The following LPIN1 variants were observed in gnomAD, a reference collection of about 807,000 sequenced individuals.
LPIN1 encodes phosphatidate phosphatase LPIN1.
Under a neutral mutation model 107.5 loss-of-function variants are expected in LPIN1, and 71 were observed. The observed-to-expected ratio is 0.66, with a 90% CI of 0.55 to 0.80. The LOEUF (loss-of-function observed/expected upper bound fraction) is 0.80, where lower values mean the gene tolerates loss of function less well. LPIN1 is among the 30% of genes least tolerant of loss of function. The pLI, the probability that LPIN1 is intolerant of heterozygous loss-of-function variation, is 0.00. For missense variants in LPIN1, 1,043 were observed against 1,160.6 expected, an observed-to-expected ratio of 0.90 and a Z score of 1.47; for synonymous variants, 445 against 452.6, an observed-to-expected ratio of 0.98 and a Z score of 0.21.
rs1330375723 is a variant in LPIN1 at position 11,697,103 on chromosome 2, G to T, written c.82-16653G>T. On this transcript the variant is annotated intron_variant, in intron 1 of 21. Transcript: ENST00000449576. This position sits in a 1 kb window ranked among gnomAD's most constrained non-coding sequence, Gnocchi z 4.6. ...CAAGCTGTATCTGGTGAGAACAGATGCGTAGTCCCGGAGCTCAAGTTCTGG... is the reference window on the plus strand; with the variant it reads ...CAAGCTGTATCTGGTGAGAACAGATTCGTAGTCCCGGAGCTCAAGTTCTGG... Among the ~76,000 whole-genome samples, 1 of 152,248 alleles carries T rather than the reference G, an allele frequency of 6.6e-6. No individual in the cohort carries two copies. Among genetic ancestry groups the T allele is most frequent in the African/African-American group, 2.4e-5 (1 of 41,466 alleles).
rs142643608 is a variant in LPIN1 at position 11,740,409 on chromosome 2, C to T, written c.-71-940C>T. ...AGTTGACACCAAAAATTAACCATCA[C>T]ACCCTTCAATTATAACTTCCCCGCA... On this transcript the variant is annotated intron_variant, in intron 1 of 21. Transcript: ENST00000396097. Among the ~76,000 whole-genome samples the T allele has an allele frequency of 4.4e-4, 67 of 152,242 alleles. 1 individual carries two copies. Among genetic ancestry groups the T allele is most frequent in the African/African-American group, 1.4e-3 (57 of 41,552 alleles).
intron 1 of LPIN1, among the ~76,000 whole-genome samples, chr2:11,756,114 T>G (rs145449138): frequency 0.026 from 3,935 of 152,212 alleles, 76 homozygotes; most frequent in African/African-American, 0.053. Flanking sequence ...ATTGAGACAG[T>G]TTTGCATTTG....
intron 1 of LPIN1, among the ~76,000 whole-genome samples, chr2:11,691,951 T>C (rs1488928146): frequency 6.6e-6 from 1 of 152,106 alleles, no homozygotes; most frequent in East Asian, 1.9e-4. Flanking sequence ...ACAATGCGAG[T>C]GTGTGTGTGA....
intron 17 of LPIN1, among the ~76,000 whole-genome samples, chr2:11,812,668 T>C (rs1679879846): frequency 6.6e-6 from 1 of 151,982 alleles, no homozygotes; most frequent in South Asian, 2.1e-4. Flanking sequence ...CAGATGGGGT[T>C]GGGGTTGGAG....
intron 1 of LPIN1, among the ~76,000 whole-genome samples, chr2:11,687,223 ACCGTCT>A (rs770046338): frequency 1.3e-4 from 19 of 151,962 alleles, no homozygotes; most frequent in Non-Finnish European, 1.9e-4. Flanking sequence ...GTCTTGAACT[ACCGTCT>A]TCAAGTGATC....
At chr2:11,811,442 A>G (rs923280650) in intron 17 of LPIN1, among the ~76,000 whole-genome samples, 28 of 152,318 alleles carry the variant, frequency 1.8e-4, no homozygotes, top group Non-Finnish European at 3.8e-4. Context: ...CATTTTCCCC[A>G]TTAGGTCACT....
Position 11,776,091 on chromosome 2 carries a change from T to G in LPIN1, c.728T>G (p.Leu243Arg). 6.5e-7 allele frequency: 1 copy of G among 1,545,708 alleles called. No homozygotes were observed. The highest frequency in any genetic ancestry group is 8.7e-7 in the Non-Finnish European group (1 of 1,143,458). The change falls in exon 6 of 21, where the codon CTG becomes CGG. Residue 243 changes from leucine (L) to arginine (R), a missense_variant. Transcript: ENST00000674199. ...TATCACGTGGTGGTATCCAGTAGCC[T>G]GGTAGATTGCAAAAGGACTGCCCCT... Reference protein sequence around the residue: ...DREWSPTPSSLVDCKRTAPHL... With the variant: ...DREWSPTPSSRVDCKRTAPHL...
chr2:11,818,650 A>G (rs1486526423), intron 18 of LPIN1: 3 of 151,660 alleles, frequency 2.0e-5, no homozygotes, highest in Non-Finnish European at 4.4e-5. Context: ...TCTAGTATGT[A>G]TAACTTTTAT....
upstream of LPIN1, chr2:11,677,568 G>GCTT: frequency 1.8e-6 from 2 of 1,090,104 alleles, no homozygotes; most frequent in Admixed American, 4.0e-5. Context: ...CAGCCTCCCA[G>GCTT]CTTCTGAGCC....
chr2:11,718,589 T>A lies in LPIN1; in HGVS notation c.138+4777T>A, dbSNP rs529685514. On this transcript the variant is annotated intron_variant, in intron 2 of 21. Transcript: ENST00000449576. ...CATTTGAGTTGGGTTGAATTTAGAATTTGAGGTTGATGTTCAGTTCTCACA... is the reference window on the plus strand; with the variant it reads ...CATTTGAGTTGGGTTGAATTTAGAAATTGAGGTTGATGTTCAGTTCTCACA... Among the ~76,000 whole-genome samples the A allele has an allele frequency of 9.2e-5, 14 of 152,328 alleles. No individual in the cohort carries two copies. In the South Asian group the frequency reaches 2.7e-3, roughly 29 times the overall value.
intron 1 of LPIN1, among the ~76,000 whole-genome samples, chr2:11,735,089 C>T (rs576201077): frequency 1.4e-4 from 21 of 152,050 alleles, no homozygotes; most frequent in East Asian, 7.7e-4. Flanking sequence ...GTCAGGAGTT[C>T]GAGACCAACC....
chr2:11,821,204 T>C (rs1681450689), intron 20 of LPIN1, among the ~76,000 whole-genome samples: 1 of 152,034 alleles, frequency 6.6e-6, no homozygotes, highest in Non-Finnish European at 1.5e-5. Context: ...TCTGGTCTGG[T>C]CTGTGCAGAC....
At chr2:11,724,430 G>C (rs1049775271) in exon 1 of LPIN1, 2 of 985,528 alleles carry the variant, frequency 2.0e-6, no homozygotes, top group African/African-American at 1.7e-5. Context: ...GAGATGAAGG[G>C]CAAGACCGGG....
At chr2:11,740,435 C>T (rs1409448051) in intron 1 of LPIN1, among the ~76,000 whole-genome samples, 1 of 152,124 alleles carries the variant, frequency 6.6e-6, no homozygotes, top group African/African-American at 2.4e-5. Flanking sequence ...CTTCCCCGCA[C>T]TTTGCGAGGT....
intron 1 of LPIN1, among the ~76,000 whole-genome samples, chr2:11,705,535 A>G (rs1158826423): frequency 6.6e-6 from 1 of 152,172 alleles, no homozygotes; most frequent in Non-Finnish European, 1.5e-5. Context: ...GACAGCCCCT[A>G]TGAGGAAGGG....
intron 1 of LPIN1, among the ~76,000 whole-genome samples, chr2:11,711,461 C>G (rs1011675919): frequency 6.6e-6 from 1 of 152,192 alleles, no homozygotes; most frequent in Non-Finnish European, 1.5e-5. Context: ...CCTTCTTTCC[C>G]TGGTTCTGTC....
intron 15 of LPIN1, among the ~76,000 whole-genome samples, chr2:11,804,048 T>G (rs893124662): frequency 1.3e-5 from 2 of 152,224 alleles, no homozygotes; most frequent in Non-Finnish European, 1.5e-5. Context: ...TATTTAGTCC[T>G]AGAGTGGTAA....
chr2:11,791,593 T>A, intron 12 of LPIN1: 1 of 1,144,982 alleles, frequency 8.7e-7, no homozygotes, highest in Non-Finnish European at 1.1e-6. Context: ...CCACTTTAAT[T>A]TGAAAACTTC....
chr2:11,804,225 C>G (rs1678255885), intron 15 of LPIN1, among the ~76,000 whole-genome samples, 198 bp from the exon 16 acceptor site: 1 of 152,090 alleles, frequency 6.6e-6, no homozygotes, highest in African/African-American at 2.4e-5. Flanking sequence ...CCTGAGAGAG[C>G]TGAGGTTTCA....
Sources: allele counts gnomAD v4.1 joint callset (sites outside exome capture counted in the v4.1 genomes callset), GRCh38; gene constraint gnomAD v4.1.1; non-coding constraint Gnocchi (gnomAD v3.1); transcripts MANE v1.5; gene names NCBI Gene and HGNC (gene_info 2026-07-23, HGNC 2026-07-21).